The following BUB1 variants were observed in gnomAD, a reference collection of about 807,000 sequenced individuals.
BUB1 encodes the protein BUB1 mitotic checkpoint serine/threonine kinase.
BUB1 carries 84 observed loss-of-function variants against 135.2 expected under a neutral mutation model. The ratio of observed to expected loss-of-function variants is 0.62; its 90% CI spans 0.52 to 0.74. The LOEUF is 0.74. Ranked by LOEUF, BUB1 falls within the 30% of genes least tolerant of loss-of-function variation. The probability of loss-of-function intolerance (pLI) is 0.00; values close to 1 mark genes in which losing one functional copy is unlikely to be tolerated. For missense variants in BUB1, 1,162 were observed against 1,288.3 expected, an observed-to-expected ratio of 0.90 and a Z score of 1.50; for synonymous variants, 403 against 434.4, an observed-to-expected ratio of 0.93 and a Z score of 0.90.
chr2:110,655,870 C>G lies in BUB1; in HGVS notation c.1745G>C (p.Trp582Ser). 1.2e-6 allele frequency: 2 copies of G among 1,613,860 alleles called. No individual in the cohort carries two copies. Among genetic ancestry groups the G allele is most frequent in the South Asian group, 2.2e-5 (2 of 91,058 alleles). Reference protein sequence around the residue: ...AEEFLDDSTVWGIRCNKTLAP... With the variant: ...AEEFLDDSTVSGIRCNKTLAP... ...CAGGGTTTTGTTGCAGCGAATACCC[C>G]ATACAGTTGAGTCATCCAAAAACTC... Residue 582 changes from tryptophan (W) to serine (S), a missense_variant, in exon 16 of 25, where the codon TGG becomes TCG. Physicochemically the swap from Trp to Ser is radical, Grantham distance 177. Coordinates refer to ENST00000302759, the MANE Select transcript of BUB1 (RefSeq NM_004336.5).
chr2:110,658,255 C>G (rs1173507632), intron 13 of BUB1, among the ~76,000 whole-genome samples, 155 bp downstream of exon 13: 2 of 151,700 alleles, frequency 1.3e-5, no homozygotes, highest in East Asian at 1.9e-4. Context: ...ACATTGAGTA[C>G]CTTGTCAAGA....
intron 5 of BUB1, among the ~76,000 whole-genome samples, chr2:110,670,257 G>C (rs1415173671): frequency 6.7e-6 from 1 of 148,904 alleles, no homozygotes; most frequent in Non-Finnish European, 1.5e-5. Flanking sequence ...TCCTGCCTCA[G>C]CCTCCTGAGT....
intron 19 of BUB1, among the ~76,000 whole-genome samples, chr2:110,644,750 G>A (rs1237552671): frequency 6.6e-6 from 1 of 152,166 alleles, no homozygotes; most frequent in Non-Finnish European, 1.5e-5. Context: ...AGAGAGTGGA[G>A]TGAAATATCT....
At chr2:110,656,120 C>T (rs759225144) in intron 15 of BUB1, among the ~76,000 whole-genome samples, 1 of 152,086 alleles carries the variant, frequency 6.6e-6, no homozygotes, top group Non-Finnish European at 1.5e-5. Context: ...ACAGCAAGAG[C>T]CACATTTTTG....
In BUB1 at chr2:110,648,815, A is replaced by C. The variant is rs1689709647; in HGVS notation, c.2347+419T>G. The C allele has an allele frequency of 6.6e-6, 1 of 152,446 alleles. No homozygotes were observed. The highest frequency in any genetic ancestry group is 1.5e-5 in the Non-Finnish European group (1 of 68,246). The allele number at this position is 152,446 out of a possible 1,614,324, so 9.4% of individuals were successfully genotyped here. On this transcript the variant is annotated intron_variant, in intron 19 of 24. Transcript: ENST00000302759. This position sits in a 1 kb window ranked among gnomAD's most constrained non-coding sequence, Gnocchi z 4.2. ...CTGTTTTAATTGTGGCATATAATACATACGGCTCTGCCCTTTTAACAGTAT... is the reference window on the plus strand; with the variant it reads ...CTGTTTTAATTGTGGCATATAATACCTACGGCTCTGCCCTTTTAACAGTAT...
chr2:110,675,493 G>T (rs1355429261), intron 1 of BUB1, among the ~76,000 whole-genome samples: 1 of 152,058 alleles, frequency 6.6e-6, no homozygotes, highest in Non-Finnish European at 1.5e-5. Flanking sequence ...AGGTGGGGGT[G>T]ACAAGACCTA....
At chr2:110,666,098 C>A (rs1446637008) in intron 9 of BUB1, 165 bp downstream of exon 9, 1 of 611,082 alleles carries the variant, frequency 1.6e-6, no homozygotes, top group Non-Finnish European at 2.4e-6. Flanking sequence ...ACTTTCCACT[C>A]TCACTCTACA....
intron 5 of BUB1, among the ~76,000 whole-genome samples, chr2:110,670,139 T>G (rs891336634): frequency 2.1e-5 from 3 of 143,182 alleles, no homozygotes; most frequent in Admixed American, 6.9e-5. Context: ...TTTTTTTTTT[T>G]TTTTTTTTTT....
At chr2:110,666,061 TA>T in intron 9 of BUB1, 2 of 436,238 alleles carry the variant, frequency 4.6e-6, no homozygotes, top group Non-Finnish European at 7.6e-6. Flanking sequence ...CACAAACATG[TA>T]AAACATACTA....
Position 110,641,626 on chromosome 2 carries a change from A to C in BUB1, c.2625+16T>G, listed in dbSNP as rs780083216. 5.0e-6 allele frequency: 8 copies of C among 1,605,840 alleles called. No homozygotes were observed. In the African/African-American group the frequency reaches 1.1e-4, roughly 22 times the overall value. On this transcript the variant is annotated intron_variant, in intron 21 of 24. Transcript: ENST00000302759. ...CATTTTAAATTCATGTGCTCATCAT[A>C]AAAATGAATACTTACTAATAATGTT...
Position 110,658,653 on chromosome 2 carries a change from C to T in BUB1, c.1366G>A (p.Val456Met), listed in dbSNP as rs1435719539. The T allele has an allele frequency of 5.0e-6, 8 of 1,614,066 alleles. No individual in the cohort carries two copies. The highest frequency in any genetic ancestry group is 6.8e-6 in the Non-Finnish European group (8 of 1,180,040). Residue 456 changes from valine to methionine, a missense_variant, in exon 12 of 25, where the codon GTG (valine) becomes ATG (methionine). Transcript: ENST00000302759. ...GTGTGCACGGTGGGTGATGGCTGCA[C>T]TTTGGATGGCGTTGCCTGAACCATT... is the stretch of plus-strand genomic sequence containing the variant. Reference protein sequence around the residue: ...LGMVQATPSKVQPSPTVHTKE... With the variant: ...LGMVQATPSKMQPSPTVHTKE...
At chr2:110,664,609 G>C (rs1690195451) in intron 9 of BUB1, among the ~76,000 whole-genome samples, 1 of 145,268 alleles carries the variant, frequency 6.9e-6, no homozygotes, top group Admixed American at 7.0e-5. Context: ...AGCTACTGGA[G>C]AAAGTGTGCC....
chr2:110,678,008 C>G lies in BUB1; in HGVS notation c.-13G>C. On this transcript the variant is annotated 5_prime_UTR_variant, in exon 1 of 25. Coordinates refer to ENST00000302759, the MANE Select transcript of BUB1 (RefSeq NM_004336.5). Reference sequence around the variant, plus strand: ...CCGGGGTGTCCATGGCCAGAGGACGCTGGCCGGCAGCGGCCAAACCTGAAC... The same window carrying G: ...CCGGGGTGTCCATGGCCAGAGGACGGTGGCCGGCAGCGGCCAAACCTGAAC... 1 of 1,604,414 alleles carries G rather than the reference C, an allele frequency of 6.2e-7. No homozygotes were observed. The highest frequency in any genetic ancestry group is 1.3e-5 in the African/African-American group (1 of 74,838).
chr2:110,669,599 C>A (rs557187207), intron 5 of BUB1, 46 bp from the exon 6 acceptor site: 5 of 1,267,898 alleles, frequency 3.9e-6, no homozygotes, highest in Non-Finnish European at 4.6e-6. Context: ...AAGGGTAAAA[C>A]CGTAAGTAAA....
At position 110,650,684 on chromosome 2, in the gene BUB1, A is replaced by G; in HGVS notation, c.2065T>C (p.Cys689Arg). 6.2e-7 allele frequency: 1 copy of G among 1,614,024 alleles called. No individual in the cohort carries two copies. Among genetic ancestry groups the G allele is most frequent in the Non-Finnish European group, 8.5e-7 (1 of 1,179,990 alleles). Residue 689 changes from cysteine (C) to arginine (R), a missense_variant, in exon 18 of 25, where the codon TGT becomes CGT. Coordinates refer to ENST00000302759, the MANE Select transcript of BUB1 (RefSeq NM_004336.5). ...GCCTCAACGCCCAACTCTGCCTCAC[A>G]GGTAAGTACCCCACCTGCAGCAGGC... is the stretch of plus-strand genomic sequence containing the variant. ...SQPAAGGVLT[C>R]EAELGVEACR... is the part of the protein sequence containing the mutation.
At chr2:110,649,147 TCACACACA>T (rs34802999) in intron 19 of BUB1, 79 bp downstream of exon 19, 5 of 1,137,452 alleles carry the variant, frequency 4.4e-6, no homozygotes, top group South Asian at 1.8e-5. Context: ...AATAGGAGAA[TCACACACA>T]CACACACACA....
Position 110,667,807 on chromosome 2 carries a change from C to G in BUB1, c.610G>C (p.Glu204Gln), listed in dbSNP as rs1310324056. 8.7e-6 allele frequency: 14 copies of G among 1,613,318 alleles called. No homozygotes were observed. In the Admixed American group the frequency reaches 2.3e-4, roughly 27 times the overall value. Residue 204 changes from glutamate (E) to glutamine (Q), a missense_variant, in exon 7 of 25, where the codon GAG becomes CAG. Coordinates refer to ENST00000302759, the MANE Select transcript of BUB1 (RefSeq NM_004336.5). ...SGVISSACDK[E>Q]SNMERRVITI... is the part of the protein sequence containing the mutation. The stretch of plus-strand genomic sequence containing the variant: ...ACTGATTATACTTGCATATTTGACT[C>G]TTTATCACAAGCTGAAGATATCACT...
At chr2:110,667,473 T>C (rs770707556) in intron 8 of BUB1, 48 bp downstream of exon 8, 11 of 1,531,468 alleles carry the variant, frequency 7.2e-6, no homozygotes, top group East Asian at 2.3e-5. Flanking sequence ...GAGATGAGGA[T>C]TTTTTTATGT....
chr2:110,642,380 T>C (rs1559163736), intron 19 of BUB1, 146 bp from the exon 20 acceptor site: 3 of 507,534 alleles, frequency 5.9e-6, no homozygotes, highest in South Asian at 3.0e-5. Context: ...AACCATGGTA[T>C]ATTTGTCACA....
Sources: gnomAD v4.1 joint callset for allele counts (sites outside exome capture counted in the v4.1 genomes callset) on GRCh38, gnomAD v4.1.1 for gene constraint, Gnocchi (gnomAD v3.1) non-coding constraint, MANE v1.5 for transcripts, NCBI Gene and HGNC (gene_info 2026-07-23, HGNC 2026-07-21) for gene names.